Variants in ADAMTS16 observed in about 807,000 individuals in gnomAD.
ADAMTS16 encodes the protein ADAM metallopeptidase with thrombospondin type 1 motif 16.
In ADAMTS16, 94 loss-of-function variants were observed where a neutral mutation model predicts 145.8. The observed-to-expected ratio is 0.64, with a 90% CI of 0.55 to 0.77. The LOEUF is 0.77. ADAMTS16 is among the 30% of genes least tolerant of loss of function. ADAMTS16 has a pLI of 0.00. For missense variants in ADAMTS16, 1,585 were observed against 1,591.5 expected (o/e 1.00, Z 0.07); for synonymous variants, 659 against 604.3 (o/e 1.09, Z -1.33).
intron 18 of ADAMTS16, among the ~76,000 whole-genome samples, chr5:5,263,703 A>AG (rs1414802326): frequency 6.6e-6 from 1 of 152,160 alleles, no homozygotes; most frequent in African/African-American, 2.4e-5. Flanking sequence ...AAATCCCCAG[A>AG]GGGGGTGTTA....
intron 17 of ADAMTS16, among the ~76,000 whole-genome samples, chr5:5,262,390 C>G (rs976910396): frequency 6.6e-6 from 1 of 152,120 alleles, no homozygotes; most frequent in African/African-American, 2.4e-5. Flanking sequence ...TGACATCAAT[C>G]GCAAAACAAA....
chr5:5,299,197 A>T (rs1430660027), intron 18 of ADAMTS16, among the ~76,000 whole-genome samples: 1 of 152,200 alleles, frequency 6.6e-6, no homozygotes, highest in African/African-American at 2.4e-5. Flanking sequence ...ATTCTTGAAA[A>T]TAGAACAACA....
intron 10 of ADAMTS16, among the ~76,000 whole-genome samples, chr5:5,214,395 C>T (rs978981434): frequency 2.0e-5 from 3 of 152,018 alleles, no homozygotes; most frequent in Admixed American, 1.3e-4. Flanking sequence ...TATGTATTTT[C>T]TTTTTTCTTT....
chr5:5,192,768 C>G (rs569583264), intron 8 of ADAMTS16, among the ~76,000 whole-genome samples: 7 of 152,246 alleles, frequency 4.6e-5, no homozygotes, highest in African/African-American at 1.7e-4. Context: ...TTTGTGGAAA[C>G]TATTATTCTT....
At chr5:5,231,687 A>G (rs887092504) in intron 11 of ADAMTS16, among the ~76,000 whole-genome samples, 1 of 152,246 alleles carries the variant, frequency 6.6e-6, no homozygotes, top group African/African-American at 2.4e-5. Context: ...CATAGCACTG[A>G]TGTGTGGTGC....
intron 18 of ADAMTS16, among the ~76,000 whole-genome samples, chr5:5,282,164 C>A (rs2126473411): frequency 6.6e-6 from 1 of 152,220 alleles, no homozygotes; most frequent in East Asian, 1.9e-4. Context: ...CATGGCCGTT[C>A]ATTGTAGCAT....
chr5:5,242,185 G>T lies in ADAMTS16; in HGVS notation c.2656G>T (p.Gly886Ter), dbSNP rs762566566. ...IVRSECSVSC[G>*]GGQMTVREGC... ...GCGCTCTGAGTGCTCCGTGTCCTGC[G>T]GAGGGGGTAGGTGCCTTCCAGTGCT... The change falls in exon 17 of 23, where the codon GGA becomes TGA. Residue 886 changes from glycine to a stop codon, truncating the protein, a stop_gained. Transcript: ENST00000274181. LOFTEE classifies it high-confidence loss of function. The T allele has an allele frequency of 6.2e-7, 1 of 1,613,814 alleles. No homozygotes were observed.
intron 10 of ADAMTS16, among the ~76,000 whole-genome samples, chr5:5,215,847 A>ATATGTGG (rs1736417539): frequency 7.3e-6 from 1 of 136,278 alleles, no homozygotes; most frequent in Non-Finnish European, 1.5e-5. Context: ...GTGTGTATAT[A>ATATGTGG]TATATATATG....
intron 3 of ADAMTS16, among the ~76,000 whole-genome samples, chr5:5,152,594 T>C (rs1008433312): frequency 6.6e-6 from 1 of 152,136 alleles, no homozygotes; most frequent in African/African-American, 2.4e-5. Context: ...TGGCTGGGGG[T>C]AAGGAAATAG....
intron 3 of ADAMTS16, among the ~76,000 whole-genome samples, chr5:5,178,952 C>T (rs971524538): frequency 2.0e-5 from 3 of 151,930 alleles, no homozygotes; most frequent in African/African-American, 7.3e-5. Flanking sequence ...GGATCTCCAA[C>T]TGCAGAGTGA....
At chr5:5,227,505 CTGTGTGTGTGTGTGTGTG>C (rs55875918) in intron 11 of ADAMTS16, among the ~76,000 whole-genome samples, 9 of 148,360 alleles carry the variant, frequency 6.1e-5, no homozygotes, top group South Asian at 2.2e-4. Flanking sequence ...AGATCTAATA[CTGTGTGTGTGTGTGTGTG>C]TGTGTGTGTG....
chr5:5,275,835 G>C (rs1738666694), intron 18 of ADAMTS16, among the ~76,000 whole-genome samples: 1 of 149,448 alleles, frequency 6.7e-6, no homozygotes, highest in Non-Finnish European at 1.5e-5. Context: ...ATATTCTGCT[G>C]AATTTTAATT....
rs1734205377 is a variant in ADAMTS16, at chr5:5,319,641, TCCAGGAGGCTGC to T, written c.*509_*520del. ...CTTCCTGGGTGGAGGTCAGGGGAGC[TCCAGGAGGCTGC>T]CCAGGCTCCTCCTCCTCCTCCCCAG... On this transcript the variant is annotated 3_prime_UTR_variant, in exon 23 of 23. Coordinates refer to ENST00000274181, the MANE Select transcript of ADAMTS16 (RefSeq NM_139056.4). The T allele has an allele frequency of 2.9e-6, 1 of 346,342 alleles. No individual in the cohort carries two copies. 21.5% of individuals were successfully genotyped at this position (346,342 alleles called of 1,614,324 possible).
chr5:5,212,937 T>C (rs781513038), intron 10 of ADAMTS16, among the ~76,000 whole-genome samples: 39 of 152,232 alleles, frequency 2.6e-4, no homozygotes, highest in Non-Finnish European at 5.6e-4. Flanking sequence ...GCTTTTTAAC[T>C]GTACTTCCTT....
chr5:5,283,589 G>A (rs1287859518), intron 18 of ADAMTS16, among the ~76,000 whole-genome samples: 1 of 152,002 alleles, frequency 6.6e-6, no homozygotes, highest in Admixed American at 6.6e-5. Context: ...AGGATCCTGG[G>A]CTCAATAGGC....
chr5:5,299,023 C>A (rs927734876), intron 18 of ADAMTS16, among the ~76,000 whole-genome samples: 4 of 151,984 alleles, frequency 2.6e-5, no homozygotes, highest in African/African-American at 7.3e-5. Context: ...TTGCGTCTCA[C>A]GGCATCCAGC....
At chr5:5,299,956 C>A (rs1009272043) in intron 18 of ADAMTS16, among the ~76,000 whole-genome samples, 4 of 152,190 alleles carry the variant, frequency 2.6e-5, no homozygotes, top group Admixed American at 2.6e-4. Context: ...GAAATGAAGA[C>A]ATTCCCCTAA....
chr5:5,206,823 G>A (rs999731765), intron 9 of ADAMTS16, among the ~76,000 whole-genome samples: 16 of 151,954 alleles, frequency 1.1e-4, no homozygotes, highest in African/African-American at 3.6e-4. Flanking sequence ...GTTTCAGTAT[G>A]ATCAGTTTAA....
chr5:5,235,581 A>G (rs1170997799), intron 13 of ADAMTS16, among the ~76,000 whole-genome samples: 3 of 152,218 alleles, frequency 2.0e-5, no homozygotes, highest in Non-Finnish European at 2.9e-5. Context: ...TGAAAAAGAA[A>G]TTTCAGTATA....
Sources: gnomAD v4.1 joint callset for allele counts (sites outside exome capture counted in the v4.1 genomes callset) on GRCh38, gnomAD v4.1.1 for gene constraint, MANE v1.5 for transcripts, NCBI Gene and HGNC (gene_info 2026-07-23, HGNC 2026-07-21) for gene names.